CRYBG1: variants seen among roughly 807,000 people sequenced by gnomAD.
CRYBG1 encodes the protein beta/gamma crystallin domain-containing protein 1.
Under a neutral mutation model 189.2 loss-of-function variants are expected in CRYBG1, and 139 were observed. The observed-to-expected ratio is 0.73, with a 90% confidence interval of 0.64 to 0.85. The LOEUF (loss-of-function observed/expected upper bound fraction) is 0.85. Among genes scored for constraint, CRYBG1 ranks in the 40% least tolerant of loss-of-function variants. The probability of loss-of-function intolerance (pLI) is 0.00; values close to 1 mark genes in which losing one functional copy is unlikely to be tolerated. For synonymous variants in CRYBG1, 1,023 were observed against 1,017.1 expected (o/e 1.01, Z -0.11); for missense variants, 2,611 against 2,675.8 (o/e 0.98, Z 0.53).
At chr6:106,460,234 G>T (rs1022473352) in intron 2 of CRYBG1, among the ~76,000 whole-genome samples, 4 of 151,544 alleles carry the variant, frequency 2.6e-5, no homozygotes, top group Non-Finnish European at 5.9e-5. Context: ...CTCGTGATCC[G>T]CCCGCCTCTG....
At chr6:106,495,767 C>A (rs994497176) in intron 2 of CRYBG1, among the ~76,000 whole-genome samples, 1 of 149,484 alleles carries the variant, frequency 6.7e-6, no homozygotes, top group Non-Finnish European at 1.5e-5. Context: ...ATTTTATAGA[C>A]CCATTGTTGA....
intron 1 of CRYBG1, among the ~76,000 whole-genome samples, chr6:106,395,782 A>T (rs544391364): frequency 6.6e-6 from 1 of 151,638 alleles, no homozygotes; most frequent in African/African-American, 2.4e-5. Flanking sequence ...AAGATACTAT[A>T]TATTCAGACC....
intron 2 of CRYBG1, among the ~76,000 whole-genome samples, chr6:106,453,143 T>C (rs888980732): frequency 1.3e-5 from 2 of 152,214 alleles, no homozygotes; most frequent in Non-Finnish European, 2.9e-5. Flanking sequence ...CATAGTTCTG[T>C]ATAGTTAAAA....
chr6:106,489,689 G>A (rs1483207036), intron 2 of CRYBG1, among the ~76,000 whole-genome samples: 2 of 103,480 alleles, frequency 1.9e-5, no homozygotes, highest in East Asian at 2.6e-4. Flanking sequence ...TTAGCCGGGG[G>A]CGGTAGTATG....
At position 106,521,224 on chromosome 6, in the gene CRYBG1, C is replaced by T. The variant is rs756577686; in HGVS notation, c.4016C>T (p.Thr1339Ile). Reference sequence around the variant, plus strand: ...GAAAAATACCCGCAAAAAGAGAAAACCAAAGAAGATCTGGATTCACGAAGC... The same window carrying T: ...GAAAAATACCCGCAAAAAGAGAAAATCAAAGAAGATCTGGATTCACGAAGC... ...HMEKYPQKEK[T>I]KEDLDSRSNL... The change falls in exon 4 of 22, where the codon ACC becomes ATC. Residue 1339 changes from threonine to isoleucine, a missense_variant. By Grantham distance (89) the Thr-to-Ile change is moderately conservative (BLOSUM62 -1). Coordinates refer to ENST00000633556, the MANE Select transcript of CRYBG1 (RefSeq NM_001371242.2). The T allele has an allele frequency of 1.2e-6, 2 of 1,614,008 alleles. No homozygotes were observed. The highest frequency in any genetic ancestry group is 3.3e-5 in the Admixed American group (2 of 59,986).
chr6:106,363,115 G>A lies in CRYBG1; in HGVS notation c.173+2034G>A, dbSNP rs1771911744. On this transcript the variant is annotated intron_variant, in intron 1 of 21. Transcript: ENST00000633556. ...AAAAATTAGCCGGGCATGGTGGCGCGCGCCTGTAGTCCCAGCTACACGGGA... is the reference window on the plus strand; with the variant it reads ...AAAAATTAGCCGGGCATGGTGGCGCACGCCTGTAGTCCCAGCTACACGGGA... 2.7e-5 allele frequency among the ~76,000 whole-genome samples: 4 copies of A among 150,572 alleles called. No homozygotes were observed. In the South Asian group the frequency reaches 6.3e-4, roughly 24 times the overall value.
intron 2 of CRYBG1, among the ~76,000 whole-genome samples, chr6:106,483,756 C>A: frequency 6.6e-6 from 1 of 152,080 alleles, no homozygotes; most frequent in Middle Eastern, 3.2e-3. Flanking sequence ...ATTTCTATTT[C>A]TCTGATGAAT....
chr6:106,516,805 G>T (rs545432710), intron 3 of CRYBG1, among the ~76,000 whole-genome samples: 1 of 152,190 alleles, frequency 6.6e-6, no homozygotes, highest in South Asian at 2.1e-4. Flanking sequence ...TCAAACTGTG[G>T]CCCTGTCACT....
At position 106,511,593 on chromosome 6, in the gene CRYBG1, A is replaced by C. The variant is rs909745105; in HGVS notation, c.476A>C (p.Lys159Thr). 1 of 1,535,694 alleles carries C rather than the reference A, an allele frequency of 6.5e-7. No homozygotes were observed. The highest frequency in any genetic ancestry group is 1.4e-5 in the African/African-American group (1 of 73,020). ...LSPKDVVASP[K>T]LPERESERSR... ...CCCAAAGATGTGGTAGCCTCTCCTA[A>C]GCTCCCAGAGAGAGAGAGTGAGAGG... Residue 159 changes from lysine (K) to threonine (T), a missense_variant, in exon 3 of 22, where the codon AAG becomes ACG. By Grantham distance (78) the Lys-to-Thr change is moderately conservative (BLOSUM62 -1). This residue lies in a region of CRYBG1 where 985 missense variants were observed against 924.4 expected (regional missense o/e 1.07). Coordinates refer to ENST00000633556, the MANE Select transcript of CRYBG1 (RefSeq NM_001371242.2).
At chr6:106,480,448 A>G (rs912840939) in intron 2 of CRYBG1, among the ~76,000 whole-genome samples, 6 of 151,292 alleles carry the variant, frequency 4.0e-5, no homozygotes, top group African/African-American at 1.5e-4. Flanking sequence ...GCAGATCACG[A>G]CGTCAGGAGA....
At chr6:106,394,775 A>G (rs1459091424) in intron 1 of CRYBG1, among the ~76,000 whole-genome samples, 1 of 152,202 alleles carries the variant, frequency 6.6e-6, no homozygotes, top group Non-Finnish European at 1.5e-5. Flanking sequence ...AATCTTTCAA[A>G]GAAGAAAAGA....
intron 1 of CRYBG1, among the ~76,000 whole-genome samples, chr6:106,375,654 G>A (rs562584984): frequency 1.3e-5 from 2 of 152,202 alleles, no homozygotes; most frequent in South Asian, 4.1e-4. Flanking sequence ...GTGTGGAAAC[G>A]GTCAGATCGG....
At chr6:106,459,548 T>TTG (rs2114450125) in intron 2 of CRYBG1, among the ~76,000 whole-genome samples, 1 of 138,822 alleles carries the variant, frequency 7.2e-6, no homozygotes, top group East Asian at 1.9e-4. Flanking sequence ...TTTGTGGGTT[T>TTG]TTTTTTTTTT....
At chr6:106,566,499 TCTCA>T (rs1285212878) in intron 21 of CRYBG1, among the ~76,000 whole-genome samples, 2 of 106,864 alleles carry the variant, frequency 1.9e-5, no homozygotes, top group Admixed American at 2.7e-4. Flanking sequence ...TGAGACGGAG[TCTCA>T]CTCTGTCGTC....
chr6:106,401,495 C>T (rs1438205205), intron 1 of CRYBG1, among the ~76,000 whole-genome samples: 9 of 129,766 alleles, frequency 6.9e-5, no homozygotes, highest in South Asian at 5.4e-4. Context: ...CATGCTGGTG[C>T]GCTGCACCCA....
At chr6:106,491,001 G>A (rs559167918) in intron 2 of CRYBG1, among the ~76,000 whole-genome samples, 4 of 152,264 alleles carry the variant, frequency 2.6e-5, no homozygotes, top group African/African-American at 7.2e-5. Flanking sequence ...TTAATTTAAC[G>A]AAGCCTCCTC....
intron 2 of CRYBG1, among the ~76,000 whole-genome samples, chr6:106,498,459 G>A (rs1330665214): frequency 2.0e-5 from 3 of 152,188 alleles, no homozygotes; most frequent in Middle Eastern, 3.2e-3. Context: ...GTATCTTATG[G>A]AAATAATTAA....
chr6:106,460,707 AGAAGAGTAACTG>A (rs1208980481), intron 2 of CRYBG1, among the ~76,000 whole-genome samples: 2 of 152,216 alleles, frequency 1.3e-5, no homozygotes, highest in Non-Finnish European at 1.5e-5. Flanking sequence ...TGAAGGTCTC[AGAAGAGTAACTG>A]AAATGCTCCT....
At chr6:106,409,591 G>C (rs757836872) in intron 1 of CRYBG1, among the ~76,000 whole-genome samples, 12 of 152,038 alleles carry the variant, frequency 7.9e-5, no homozygotes, top group Non-Finnish European at 1.3e-4. Context: ...AACAAACAAA[G>C]CTGGAGGCTT....
Sources: allele counts gnomAD v4.1 joint callset (sites outside exome capture counted in the v4.1 genomes callset), GRCh38; gene constraint gnomAD v4.1.1; regional missense constraint gnomAD v4.1.1; transcripts MANE v1.5; gene names NCBI Gene and HGNC (gene_info 2026-07-23, HGNC 2026-07-21).